Variants in COL19A1 observed in about 807,000 individuals in gnomAD.
COL19A1 encodes the protein collagen alpha-1(XIX) chain.
Under a neutral mutation model 190.2 loss-of-function variants are expected in COL19A1, and 159 were observed. That is an observed-to-expected ratio of 0.84 (90% confidence interval 0.73 to 0.95). The LOEUF is 0.95. COL19A1 is among the 40% of genes least tolerant of loss of function. The pLI, the probability that COL19A1 is intolerant of heterozygous loss-of-function variation, is 0.00. For missense variants in COL19A1, 1,418 were observed against 1,431.9 expected, an observed-to-expected ratio of 0.99 and a Z score of 0.16; for synonymous variants, 509 against 458.9, an observed-to-expected ratio of 1.11 and a Z score of -1.39.
At chr6:70,107,113 T>G (rs1199248075) in intron 16 of COL19A1, among the ~76,000 whole-genome samples, 1 of 152,156 alleles carries the variant, frequency 6.6e-6, no homozygotes, top group Non-Finnish European at 1.5e-5. Flanking sequence ...TTACCCAAGA[T>G]GACACAAGCA....
intron 14 of COL19A1, among the ~76,000 whole-genome samples, chr6:70,053,361 A>T (rs1055966532): frequency 6.6e-6 from 1 of 152,206 alleles, no homozygotes; most frequent in Non-Finnish European, 1.5e-5. Flanking sequence ...TGACTGGTAA[A>T]TTGAAAATTA....
At chr6:70,173,364 A>G (rs1287115496) in intron 41 of COL19A1, among the ~76,000 whole-genome samples, 1 of 152,212 alleles carries the variant, frequency 6.6e-6, no homozygotes, top group Non-Finnish European at 1.5e-5. Context: ...TAGAAACAGA[A>G]GAGTCAAGGA....
At chr6:70,137,860 C>G (rs1029692273) in intron 19 of COL19A1, 113 bp downstream of exon 19, 1 of 942,754 alleles carries the variant, frequency 1.1e-6, no homozygotes, top group Admixed American at 2.0e-5. Context: ...TCATGGGAAA[C>G]AACAGATCAG....
At chr6:70,061,489 G>A (rs77500149) in intron 14 of COL19A1, among the ~76,000 whole-genome samples, 4,067 of 152,044 alleles carry the variant, frequency 0.027, 192 homozygotes, top group African/African-American at 0.089. Flanking sequence ...ATGTGAGTTT[G>A]TACCATATCT....
intron 15 of COL19A1, among the ~76,000 whole-genome samples, chr6:70,090,374 C>G (rs1191849172): frequency 1.3e-5 from 2 of 152,182 alleles, no homozygotes; most frequent in East Asian, 3.9e-4. Context: ...AATATAACAA[C>G]TATTTACATG....
intron 2 of COL19A1, 64 bp from the exon 3 acceptor site, chr6:69,898,884 T>G: frequency 3.3e-6 from 3 of 918,818 alleles, no homozygotes; most frequent in Non-Finnish European, 3.5e-6. Flanking sequence ...AGTTTCTGAT[T>G]GTACTGTGTA....
At chr6:70,050,528 AT>A (rs1780147850) in intron 14 of COL19A1, among the ~76,000 whole-genome samples, 1 of 152,096 alleles carries the variant, frequency 6.6e-6, no homozygotes, top group Admixed American at 6.6e-5. Flanking sequence ...CTCAATAAAT[AT>A]TTCTTCTTCA....
chr6:69,902,961 C>T (rs1387651796), intron 4 of COL19A1, among the ~76,000 whole-genome samples: 1 of 152,152 alleles, frequency 6.6e-6, no homozygotes, highest in South Asian at 2.1e-4. Flanking sequence ...TGTTCATCCC[C>T]GTACCTGGCT....
intron 15 of COL19A1, among the ~76,000 whole-genome samples, chr6:70,069,262 A>T (rs1017354107): frequency 1.3e-5 from 2 of 152,068 alleles, no homozygotes; most frequent in African/African-American, 4.8e-5. Context: ...TGAGCTTCTG[A>T]CTGTAGTCCT....
Position 70,152,071 on chromosome 6 carries a change from A to AG in COL19A1, c.2079+640dup, listed in dbSNP as rs531395826. Among the ~76,000 whole-genome samples the AG allele has an allele frequency of 9.9e-4, 150 of 151,470 alleles. 2 individuals carry two copies. The highest frequency in any genetic ancestry group is 3.5e-3 in the African/African-American group (144 of 41,302). ...CCTGTATTTTATCAGTAAAACAGGT[A>AG]GGGGGGGATGATAATGGCACATATG... On this transcript the variant is annotated intron_variant, in intron 31 of 50. Coordinates refer to ENST00000620364, the MANE Select transcript of COL19A1 (RefSeq NM_001858.6).
At chr6:69,990,057 T>C (rs1776532609) in intron 11 of COL19A1, among the ~76,000 whole-genome samples, 1 of 152,124 alleles carries the variant, frequency 6.6e-6, no homozygotes, top group Admixed American at 6.6e-5. Context: ...ATCTCTTTAT[T>C]TGTGAGCATG....
At chr6:70,108,738 A>C (rs1175163429) in intron 16 of COL19A1, among the ~76,000 whole-genome samples, 1 of 152,126 alleles carries the variant, frequency 6.6e-6, no homozygotes, top group African/African-American at 2.4e-5. Context: ...ACTCTGCAGC[A>C]TTAATTTTTG....
intron 34 of COL19A1, among the ~76,000 whole-genome samples, chr6:70,157,783 T>A (rs1787534754): frequency 6.6e-6 from 1 of 152,178 alleles, no homozygotes; most frequent in Non-Finnish European, 1.5e-5. Context: ...CTGATTTTCA[T>A]AGTCCAACAG....
intron 40 of COL19A1, among the ~76,000 whole-genome samples, chr6:70,170,694 T>C (rs1765447202): frequency 1.3e-5 from 2 of 152,140 alleles, no homozygotes; most frequent in African/African-American, 4.8e-5. Flanking sequence ...GAACAGAATC[T>C]GAACTTTTTT....
At chr6:69,911,823 C>T (rs1770941746) in intron 4 of COL19A1, among the ~76,000 whole-genome samples, 1 of 152,182 alleles carries the variant, frequency 6.6e-6, no homozygotes, top group Non-Finnish European at 1.5e-5. Flanking sequence ...TCCACAGTAT[C>T]CTGGCCTCTT....
At chr6:70,112,659 C>T (rs1207167049) in intron 16 of COL19A1, among the ~76,000 whole-genome samples, 1 of 152,194 alleles carries the variant, frequency 6.6e-6, no homozygotes, top group Non-Finnish European at 1.5e-5. Context: ...AATCTACAAG[C>T]TTCCTAGCAT....
Position 70,135,030 on chromosome 6 carries a change from G to A in COL19A1, c.1384-2655G>A, listed in dbSNP as rs76802003. Among the ~76,000 whole-genome samples, 733 of 152,252 alleles carry A rather than the reference G, an allele frequency of 4.8e-3. 7 individuals carry two copies. The highest frequency in any genetic ancestry group is 0.017 in the African/African-American group (694 of 41,540). On this transcript the variant is annotated intron_variant, in intron 18 of 50. Coordinates refer to ENST00000620364, the MANE Select transcript of COL19A1 (RefSeq NM_001858.6). ...AATCGGGGTCCTTATGACCCCGTCC[G>A]CGGCACTAATTTGCTGGAATGGCTC...
Position 70,089,894 on chromosome 6 carries a change from C to T in COL19A1, c.1225-12275C>T, listed in dbSNP as rs375939132. ...TATACTGTATATCTTTTTTTCCAGTCAAAAACAATGGGCTGGGTAAATATC... is the reference window on the plus strand; with the variant it reads ...TATACTGTATATCTTTTTTTCCAGTTAAAAACAATGGGCTGGGTAAATATC... On this transcript the variant is annotated intron_variant, in intron 15 of 50. Transcript: ENST00000620364. Among the ~76,000 whole-genome samples the T allele has an allele frequency of 8.6e-5, 13 of 151,762 alleles. No individual in the cohort carries two copies. The East Asian group carries it at 1.4e-3, about 16-fold the overall frequency.
intron 33 of COL19A1, 150 bp downstream of exon 33, chr6:70,156,519 G>T: frequency 9.8e-7 from 1 of 1,023,220 alleles, no homozygotes; most frequent in Non-Finnish European, 1.4e-6. Flanking sequence ...GAGAGAAAGT[G>T]ATGTAAAAGT....
Sources: gnomAD v4.1 joint callset for allele counts (sites outside exome capture counted in the v4.1 genomes callset) on GRCh38, gnomAD v4.1.1 for gene constraint, MANE v1.5 for transcripts, NCBI Gene and HGNC (gene_info 2026-07-23, HGNC 2026-07-21) for gene names.